Variants in ZNF385C observed in about 807,000 individuals in gnomAD.
The protein encoded by ZNF385C is zinc finger protein 385C, also known as CTD-2132N18.2.
Under a neutral mutation model 35.4 loss-of-function variants are expected in ZNF385C, and 28 were observed. That is an observed-to-expected ratio of 0.79 (90% CI 0.59 to 1.08). ZNF385C has a LOEUF of 1.08. ZNF385C is among the 50% of genes least tolerant of loss of function. The probability of loss-of-function intolerance (pLI) is 0.00; values close to 1 mark genes in which losing one functional copy is unlikely to be tolerated. For synonymous variants in ZNF385C, 248 were observed against 248.2 expected, an observed-to-expected ratio of 1.00 and a Z score of 0.01; for missense variants, 605 against 595.6, an observed-to-expected ratio of 1.02 and a Z score of -0.16.
Position 42,028,072 on chromosome 17 carries a change from T to C in ZNF385C, c.1142A>G (p.Asn381Ser). ...FHCALCQLQV[N>S]SETQLKQHMS... ...CACCTGCTTCAGTTGGGTCTCTGAA[T>C]TGACCTGGAGCTGACAGAGAGCACA... The change falls in exon 7 of 9, where the codon AAT (asparagine) becomes AGT (serine). Residue 381 changes from asparagine (N) to serine (S), a missense_variant. Coordinates refer to ENST00000692273, the MANE Select transcript of ZNF385C (RefSeq NM_001392013.1). The C allele has an allele frequency of 2.5e-6, 4 of 1,610,710 alleles. No individual in the cohort carries two copies. Among genetic ancestry groups the C allele is most frequent in the Non-Finnish European group, 3.4e-6 (4 of 1,177,986 alleles).
chr17:42,071,974 G>GC (rs1211291385), intron 1 of ZNF385C, among the ~76,000 whole-genome samples: 13 of 152,070 alleles, frequency 8.5e-5, no homozygotes, highest in Admixed American at 3.9e-4. Context: ...CTGGCCAGGG[G>GC]CCCCCCCATG....
intron 1 of ZNF385C, among the ~76,000 whole-genome samples, chr17:42,079,200 AAAAATATATATATATATAC>A (rs1392442352): frequency 0.012 from 1,386 of 116,836 alleles, 23 homozygotes; most frequent in African/African-American, 0.042. Flanking sequence ...AAAAAAAAAA[AAAAATATATATATATATAC>A]ATATATATAT....
At chr17:42,049,142 G>C (rs1353436654) in intron 2 of ZNF385C, among the ~76,000 whole-genome samples, 1 of 151,894 alleles carries the variant, frequency 6.6e-6, no homozygotes. Context: ...CCATCCCCCG[G>C]GTCCTTTGCC....
chr17:42,068,829 G>A (rs1337317865), intron 1 of ZNF385C, among the ~76,000 whole-genome samples: 7 of 152,180 alleles, frequency 4.6e-5, no homozygotes, highest in African/African-American at 1.4e-4. Flanking sequence ...TCTCCTTAAA[G>A]CCTGCCAAAT....
intron 8 of ZNF385C, 25 bp downstream of exon 8, chr17:42,027,593 A>G: frequency 2.6e-6 from 1 of 383,498 alleles, no homozygotes; most frequent in Non-Finnish European, 4.3e-6. Flanking sequence ...ACCCAGTCCC[A>G]GCTCTGTTGC....
At chr17:42,028,001 C>T (rs2052632818) in intron 7 of ZNF385C, 49 bp downstream of exon 7, 4 of 1,592,572 alleles carry the variant, frequency 2.5e-6, no homozygotes, top group Non-Finnish European at 3.4e-6. Flanking sequence ...CCCTGCCCCC[C>T]AACCCCCTCC....
At chr17:42,042,141 G>A (rs2053037344) in intron 2 of ZNF385C, among the ~76,000 whole-genome samples, 1 of 152,076 alleles carries the variant, frequency 6.6e-6, no homozygotes, top group Non-Finnish European at 1.5e-5. Context: ...CGGGGCCAAG[G>A]CAGGAGGATT....
chr17:42,070,783 C>G (rs1162629065), intron 1 of ZNF385C, among the ~76,000 whole-genome samples: 2 of 152,206 alleles, frequency 1.3e-5, no homozygotes, highest in South Asian at 4.1e-4. Flanking sequence ...AGAGAAGCAC[C>G]TGGAAGAAGA....
At chr17:42,032,774 G>A (rs1419951117) in intron 4 of ZNF385C, among the ~76,000 whole-genome samples, 1 of 151,396 alleles carries the variant, frequency 6.6e-6, no homozygotes, top group African/African-American at 2.4e-5. Flanking sequence ...TGCAACGGGA[G>A]CAATCTAGGC....
At chr17:42,089,011 C>T (rs1303435039) in intron 1 of ZNF385C, among the ~76,000 whole-genome samples, 1 of 152,082 alleles carries the variant, frequency 6.6e-6, no homozygotes, top group East Asian at 1.9e-4. Flanking sequence ...TTCTCTTTAC[C>T]ACCTGGATTG....
Position 42,037,763 on chromosome 17 carries a change from G to A in ZNF385C, c.373C>T (p.Leu125Phe). Residue 125 changes from leucine (L) to phenylalanine (F), a missense_variant, in exon 3 of 9, where the codon CTC (leucine) becomes TTC (phenylalanine). Leu to Phe is a conservative substitution (Grantham distance 22). Transcript: ENST00000692273. ...LAFHFNGAAP[L>F]SLFPNFSTMD... ...GTGCTGAAGTTGGGGAAGAGACTGA[G>A]CGGGGCAGCGCCATTGAAGTGGAAG... 1 of 1,535,954 alleles carries A rather than the reference G, an allele frequency of 6.5e-7. No homozygotes were observed. Among genetic ancestry groups the A allele is most frequent in the East Asian group, 2.5e-5 (1 of 40,732 alleles).
chr17:42,038,125 C>A, intron 2 of ZNF385C: 2 of 1,497,954 alleles, frequency 1.3e-6, no homozygotes, highest in South Asian at 1.2e-5. Context: ...AGGGATGACC[C>A]TCCTGCCCCT....
At chr17:42,085,209 A>G (rs1190359279) in intron 1 of ZNF385C, among the ~76,000 whole-genome samples, 2 of 152,076 alleles carry the variant, frequency 1.3e-5, no homozygotes, top group African/African-American at 4.8e-5. Context: ...AGGCAGAAGG[A>G]TTGCTTGAGT....
intron 1 of ZNF385C, among the ~76,000 whole-genome samples, chr17:42,077,485 G>C (rs1351076800): frequency 2.0e-5 from 3 of 152,174 alleles, no homozygotes; most frequent in Non-Finnish European, 4.4e-5. Flanking sequence ...AGCAGCTGAT[G>C]GGCCTGGATT....
At chr17:42,090,349 C>T (rs1259459306) in intron 1 of ZNF385C, among the ~76,000 whole-genome samples, 2 of 136,852 alleles carry the variant, frequency 1.5e-5, no homozygotes, top group Non-Finnish European at 3.0e-5. Context: ...TGCAATTGCG[C>T]GATCTCGGCT....
At chr17:42,058,709 G>T (rs574210279) in intron 2 of ZNF385C, among the ~76,000 whole-genome samples, 2 of 152,114 alleles carry the variant, frequency 1.3e-5, no homozygotes, top group Non-Finnish European at 2.9e-5. Context: ...AGGCTAGAGC[G>T]CAGTGGCGTG....
At chr17:42,040,067 G>A in intron 2 of ZNF385C, 6 of 1,231,196 alleles carry the variant, frequency 4.9e-6, no homozygotes, top group Non-Finnish European at 6.1e-6. Flanking sequence ...CCCAGCGCCC[G>A]CTGGCGCACC....
At chr17:42,094,213 C>T (rs1555660808) in intron 1 of ZNF385C, among the ~76,000 whole-genome samples, 2 of 152,128 alleles carry the variant, frequency 1.3e-5, no homozygotes, top group African/African-American at 4.8e-5. Context: ...GAACTTCTGA[C>T]CTCAGGTGAT....
In ZNF385C at chr17:42,026,915, GATA is replaced by G. The variant is rs1567982207; in HGVS notation, c.1491_1493del (p.Ile498del). Reference sequence around the variant, plus strand: ...ATGAGGGCTAATAAGGGGCAAGGACGATAGGTCCTGTGGCAGGGCGGACAGCTC... The same window carrying G: ...ATGAGGGCTAATAAGGGGCAAGGACGGGTCCTGTGGCAGGGCGGACAGCTC... On this transcript the variant is annotated inframe_deletion, in exon 9 of 9. Coordinates refer to ENST00000692273, the MANE Select transcript of ZNF385C (RefSeq NM_001392013.1). 6.3e-7 allele frequency: 1 copy of G among 1,599,376 alleles called. No individual in the cohort carries two copies.
Sources: gnomAD v4.1 joint callset for allele counts (sites outside exome capture counted in the v4.1 genomes callset) on GRCh38, gnomAD v4.1.1 for gene constraint, MANE v1.5 for transcripts, NCBI Gene and HGNC (gene_info 2026-07-23, HGNC 2026-07-21) for gene names.